The following ERCC6L2 variants were observed in gnomAD, a reference collection of about 807,000 sequenced individuals.
The protein encoded by ERCC6L2 is DNA excision repair protein ERCC-6-like 2.
In ERCC6L2, 77 loss-of-function variants were observed where a neutral mutation model predicts 132.0. That is an observed-to-expected ratio of 0.58 (90% CI 0.49 to 0.71). The LOEUF (loss-of-function observed/expected upper bound fraction) is 0.71, where lower values mean the gene tolerates loss of function less well. Among genes scored for constraint, ERCC6L2 ranks in the 30% least tolerant of loss-of-function variants. ERCC6L2 has a pLI of 0.00. For synonymous variants in ERCC6L2, 583 were observed against 632.4 expected, an observed-to-expected ratio of 0.92 and a Z score of 1.17; for missense variants, 1,542 against 1,837.6, an observed-to-expected ratio of 0.84 and a Z score of 2.94.
At chr9:95,948,804 AAAAAG>A (rs1425390107) in intron 12 of ERCC6L2, among the ~76,000 whole-genome samples, 1 of 144,038 alleles carries the variant, frequency 6.9e-6, no homozygotes, top group East Asian at 2.1e-4. Context: ...AAAAAAAAAA[AAAAAG>A]AAAAGAAAAG....
At chr9:95,997,828 G>A (rs545247967) in intron 17 of ERCC6L2, among the ~76,000 whole-genome samples, 75 of 152,022 alleles carry the variant, frequency 4.9e-4, no homozygotes, top group East Asian at 1.7e-3. Flanking sequence ...TTAAGTTCAC[G>A]TAATCTAGAA....
chr9:95,903,043 G>A (rs866180873), intron 3 of ERCC6L2, among the ~76,000 whole-genome samples: 10 of 151,908 alleles, frequency 6.6e-5, no homozygotes, highest in African/African-American at 1.9e-4. Flanking sequence ...AAAGCCTTTT[G>A]TACTCTAAAT....
downstream of ERCC6L2, among the ~76,000 whole-genome samples, chr9:96,022,791 G>A (rs1357992685): frequency 1.3e-5 from 2 of 152,172 alleles, no homozygotes; most frequent in African/African-American, 4.8e-5. Context: ...AGATGGGCAA[G>A]ATGGAGCAGT....
intron 19 of ERCC6L2, among the ~76,000 whole-genome samples, chr9:96,030,865 C>G (rs1015047366): frequency 1.3e-5 from 2 of 152,188 alleles, no homozygotes; most frequent in African/African-American, 4.8e-5. Context: ...CGATCCTAAA[C>G]CTTCTGAGCC....
intron 4 of ERCC6L2, among the ~76,000 whole-genome samples, chr9:95,909,203 A>G (rs1483474392): frequency 1.3e-5 from 2 of 152,176 alleles, no homozygotes; most frequent in Non-Finnish European, 2.9e-5. Context: ...AAAGGGCCAG[A>G]TAGTAAATAT....
At chr9:95,918,610 A>G (rs924446610) in intron 6 of ERCC6L2, 1 of 300,422 alleles carries the variant, frequency 3.3e-6, no homozygotes, top group Admixed American at 3.6e-5. Context: ...CGGGGGGCCT[A>G]GGACTGGCTT....
chr9:95,926,397 T>C (rs1382471322), intron 9 of ERCC6L2, among the ~76,000 whole-genome samples: 1 of 152,064 alleles, frequency 6.6e-6, no homozygotes, highest in Non-Finnish European at 1.5e-5. Flanking sequence ...AGTAGGTAAA[T>C]GGATTAAAAA....
intron 13 of ERCC6L2, among the ~76,000 whole-genome samples, chr9:95,958,850 G>A (rs553369312): frequency 6.6e-6 from 1 of 152,074 alleles, no homozygotes; most frequent in African/African-American, 2.4e-5. Flanking sequence ...AAGGAGAACT[G>A]CAAACCACTG....
chr9:95,918,418 A>G, intron 6 of ERCC6L2: 1 of 400,788 alleles, frequency 2.5e-6, no homozygotes. Flanking sequence ...CTGAAGGAAC[A>G]AGAAAACGAG....
chr9:95,985,732 G>A (rs1247027428), intron 17 of ERCC6L2, among the ~76,000 whole-genome samples: 1 of 151,960 alleles, frequency 6.6e-6, no homozygotes, highest in Non-Finnish European at 1.5e-5. Flanking sequence ...GTCTCAATTG[G>A]GCCCTAGTGT....
chr9:95,979,507 G>C (rs975876726), intron 17 of ERCC6L2, among the ~76,000 whole-genome samples: 3 of 152,110 alleles, frequency 2.0e-5, no homozygotes, highest in Admixed American at 2.0e-4. Context: ...TTTGTCACTT[G>C]GTGTTTTTTG....
chr9:96,012,972 A>G lies in ERCC6L2; in HGVS notation c.4422A>G (p.Arg1474=). 7.3e-7 allele frequency: 1 copy of G among 1,367,370 alleles called. No individual in the cohort carries two copies. 84.7% of individuals were successfully genotyped at this position (1,367,370 alleles called of 1,614,324 possible). A position where few individuals can be genotyped will look rare whatever the true frequency, so the allele number is the denominator to read the frequency against. The part of the protein sequence containing the change: ...LSGPMEKAKQ[R]PKDFWDILNE... ...GGCCCATGGAAAAAGCAAAACAGAG[A>G]CCAAAAGATTTCTGGGACATCTTGA... Residue 1474 remains arginine (R), a synonymous_variant, in exon 19 of 19, where the codon AGA becomes AGG. Transcript: ENST00000653738.
rs139639881 is a variant in ERCC6L2 at position 95,976,629 on chromosome 9, A to G, written c.3338-1432A>G. Among the ~76,000 whole-genome samples the G allele has an allele frequency of 1.4e-3, 220 of 152,290 alleles. 1 individual carries two copies. The highest frequency in any genetic ancestry group is 2.4e-3 in the Non-Finnish European group (166 of 68,012). On this transcript the variant is annotated intron_variant, in intron 16 of 18. Coordinates refer to ENST00000653738, the MANE Select transcript of ERCC6L2 (RefSeq NM_020207.7). ...CCCACCTGCTTGTACTTTAGGTGTC[A>G]TGAGGGTATCTTGTTATCTAATTTT... is the stretch of plus-strand genomic sequence containing the variant.
chr9:95,935,762 G>A (rs1830526955), intron 11 of ERCC6L2, among the ~76,000 whole-genome samples: 1 of 152,170 alleles, frequency 6.6e-6, no homozygotes. Flanking sequence ...CCTGGTCATT[G>A]AGGCCGATTG....
chr9:95,972,369 A>G lies in ERCC6L2; in HGVS notation c.2618A>G (p.Asn873Ser), dbSNP rs1295304630. The G allele has an allele frequency of 4.7e-6, 6 of 1,281,810 alleles. No homozygotes were observed. Among genetic ancestry groups the G allele is most frequent in the Non-Finnish European group, 6.1e-6 (6 of 984,276 alleles). The allele number at this position is 1,281,810 out of a possible 1,614,324, so 79.4% of individuals were successfully genotyped here. ...FYKSEKILEQ[N>S]ISSKSDEKKI... ...AAAAGTGAGAAGATTTTAGAACAGA[A>G]TATTTCTTCCAAGTCTGACGAGAAA... Residue 873 changes from asparagine to serine, a missense_variant, in exon 16 of 19, where the codon AAT becomes AGT. Transcript: ENST00000653738.
rs34128119 is a variant in ERCC6L2, at chr9:95,963,147, CTGTGTGTGTGTG to C, written c.1948-3393_1948-3382del. 8.1e-5 allele frequency among the ~76,000 whole-genome samples: 12 copies of C among 148,622 alleles called. No individual in the cohort carries two copies. The South Asian group carries it at 8.7e-4, about 11-fold the overall frequency. ...TTTGGCATTCAGAAAGTCATCTCGT[CTGTGTGTGTGTG>C]TGTGTGTGTGTGTGTGTGTGTAAAT... On this transcript the variant is annotated intron_variant, in intron 13 of 18. Coordinates refer to ENST00000653738, the MANE Select transcript of ERCC6L2 (RefSeq NM_020207.7).
intron 15 of ERCC6L2, 115 bp downstream of exon 15, chr9:95,970,771 C>A: frequency 3.3e-6 from 2 of 600,740 alleles, no homozygotes; most frequent in Non-Finnish European, 4.8e-6. Context: ...AATTAAGAGT[C>A]AAGGACACAA....
intron 15 of ERCC6L2, chr9:95,971,693 A>C (rs1832420750): frequency 5.5e-6 from 1 of 181,716 alleles, no homozygotes; most frequent in Admixed American, 5.6e-5. Context: ...AAATACTTTG[A>C]TTATATGGTA....
At chr9:95,980,517 T>A (rs956108816) in intron 17 of ERCC6L2, among the ~76,000 whole-genome samples, 7 of 152,142 alleles carry the variant, frequency 4.6e-5, no homozygotes, top group African/African-American at 1.4e-4. Context: ...CAGCAAAATT[T>A]CATTCTAACA....
Sources: gnomAD v4.1 joint callset for allele counts (sites outside exome capture counted in the v4.1 genomes callset) on GRCh38, gnomAD v4.1.1 for gene constraint, MANE v1.5 for transcripts, NCBI Gene and HGNC (gene_info 2026-07-23, HGNC 2026-07-21) for gene names.